NOL4: variants seen among roughly 807,000 people sequenced by gnomAD.
The protein encoded by NOL4 is cancer/testis antigen 125.
A neutral mutation model predicts 75.9 loss-of-function variants in NOL4; 17 were observed. That is an observed-to-expected ratio of 0.22 (90% CI 0.15 to 0.34). The LOEUF (loss-of-function observed/expected upper bound fraction) is 0.34. Ranked by LOEUF, NOL4 falls within the 10% of genes least tolerant of loss-of-function variation. The pLI is 1.00. For synonymous variants in NOL4, 292 were observed against 289.9 expected, an observed-to-expected ratio of 1.01 and a Z score of -0.07; for missense variants, 614 against 793.5, an observed-to-expected ratio of 0.77 and a Z score of 2.72.
intron 6 of NOL4, among the ~76,000 whole-genome samples, chr18:33,966,554 C>T (rs1165217070): frequency 6.6e-6 from 1 of 152,108 alleles, no homozygotes; most frequent in Non-Finnish European, 1.5e-5. Context: ...CTTAAAGTCT[C>T]CAGCAAAGGG....
At chr18:33,863,595 C>G (rs2063285541) in intron 10 of NOL4, among the ~76,000 whole-genome samples, 1 of 149,362 alleles carries the variant, frequency 6.7e-6, no homozygotes, top group Non-Finnish European at 1.5e-5. Flanking sequence ...TTCTTTGACT[C>G]ATGTCTCACA....
chr18:33,874,210 T>C (rs1380337335), intron 10 of NOL4, among the ~76,000 whole-genome samples: 2 of 151,748 alleles, frequency 1.3e-5, no homozygotes, highest in African/African-American at 4.8e-5. Flanking sequence ...GGGAAAAGTG[T>C]GGGATGTTGA....
Position 34,073,198 on chromosome 18 carries a change from G to A in NOL4, c.772+20267C>T, listed in dbSNP as rs528364775. Reference sequence around the variant, plus strand: ...TAACCAATCAGGAAAATAATAAAAAGAAAAATACATCAATTACCAATATCA... The same window carrying A: ...TAACCAATCAGGAAAATAATAAAAAAAAAAATACATCAATTACCAATATCA... On this transcript the variant is annotated intron_variant, in intron 5 of 10. Coordinates refer to ENST00000261592, the MANE Select transcript of NOL4 (RefSeq NM_003787.5). 2.0e-5 allele frequency among the ~76,000 whole-genome samples: 3 copies of A among 151,936 alleles called. No homozygotes were observed. The South Asian group carries it at 6.2e-4, about 32-fold the overall frequency.
At chr18:34,104,795 T>A (rs1399251119) in intron 3 of NOL4, among the ~76,000 whole-genome samples, 1 of 151,780 alleles carries the variant, frequency 6.6e-6, no homozygotes, top group Non-Finnish European at 1.5e-5. Context: ...GAAATACATA[T>A]AATAAATGAA....
intron 2 of NOL4, among the ~76,000 whole-genome samples, chr18:34,118,215 G>C (rs2079953823): frequency 6.6e-6 from 1 of 152,152 alleles, no homozygotes; most frequent in South Asian, 2.1e-4. Context: ...GGACACCATA[G>C]TTTTTGGCAA....
chr18:34,193,616 A>T (rs534928130), intron 1 of NOL4, among the ~76,000 whole-genome samples: 1 of 152,262 alleles, frequency 6.6e-6, no homozygotes, highest in Admixed American at 6.5e-5. Context: ...AGGAAAAAAA[A>T]ACCTTTGCAC....
rs2062653177 is a variant in NOL4, at chr18:33,852,130, C to T, written c.*712G>A. The stretch of plus-strand genomic sequence containing the variant: ...CATGAGAGCAGAAATGCAGGCTTCT[C>T]TTGGAAGTAGTTCCTGATGTGACGA... On this transcript the variant is annotated 3_prime_UTR_variant, in exon 11 of 11. Transcript: ENST00000261592. 1 of 152,436 alleles carries T rather than the reference C, an allele frequency of 6.6e-6. No individual in the cohort carries two copies. The highest frequency in any genetic ancestry group is 6.6e-5 in the Admixed American group (1 of 15,246). The allele number at this position is 152,436 out of a possible 1,614,324, so 9.4% of individuals were successfully genotyped here.
chr18:34,208,340 A>G (rs1009445836), intron 1 of NOL4, among the ~76,000 whole-genome samples: 4 of 152,052 alleles, frequency 2.6e-5, no homozygotes, highest in African/African-American at 2.4e-5. Context: ...ACAAAGACTC[A>G]TGAGCCCTAC....
chr18:34,180,842 GAATAA>G (rs1182782429), intron 1 of NOL4, among the ~76,000 whole-genome samples: 2 of 151,062 alleles, frequency 1.3e-5, no homozygotes, highest in African/African-American at 4.8e-5. Context: ...CCATTAAAAA[GAATAA>G]AATAGGCAAA....
chr18:34,036,006 C>A (rs1368620600), intron 5 of NOL4, among the ~76,000 whole-genome samples: 2 of 151,894 alleles, frequency 1.3e-5, no homozygotes, highest in Non-Finnish European at 2.9e-5. Context: ...AAAGCAAAGA[C>A]CAGGACCAGA....
At chr18:34,081,251 T>A (rs1244029957) in intron 5 of NOL4, among the ~76,000 whole-genome samples, 1 of 152,212 alleles carries the variant, frequency 6.6e-6, no homozygotes, top group Non-Finnish European at 1.5e-5. Context: ...CTTCAATTAA[T>A]AATATTAAAA....
intron 2 of NOL4, among the ~76,000 whole-genome samples, chr18:34,106,088 T>C (rs1364828436): frequency 6.6e-6 from 1 of 152,002 alleles, no homozygotes; most frequent in African/African-American, 2.4e-5. Flanking sequence ...AGATAAGCAA[T>C]AGGAATAAAT....
intron 6 of NOL4, among the ~76,000 whole-genome samples, chr18:34,016,454 C>G (rs1197485394): frequency 6.6e-6 from 1 of 152,038 alleles, no homozygotes; most frequent in Non-Finnish European, 1.5e-5. Context: ...TTAAAATGAC[C>G]TACATTTACT....
chr18:34,036,358 A>C (rs1394974945), intron 5 of NOL4, among the ~76,000 whole-genome samples: 1 of 46,260 alleles, frequency 2.2e-5, no homozygotes, highest in Non-Finnish European at 4.9e-5. Context: ...ATATCAATAA[A>C]ATGAAGGGAA....
intron 9 of NOL4, among the ~76,000 whole-genome samples, chr18:33,899,462 C>T (rs2065617507): frequency 1.3e-5 from 2 of 152,104 alleles, no homozygotes; most frequent in Non-Finnish European, 2.9e-5. Flanking sequence ...AGTTTGGACT[C>T]ACAATTTGGG....
At chr18:33,863,040 G>C in intron 10 of NOL4, among the ~76,000 whole-genome samples, 1 of 152,180 alleles carries the variant, frequency 6.6e-6, no homozygotes, top group East Asian at 1.9e-4. Flanking sequence ...AACCATGATA[G>C]ACTGGATTAA....
intron 9 of NOL4, among the ~76,000 whole-genome samples, chr18:33,893,603 A>G (rs1210635119): frequency 6.6e-6 from 1 of 152,200 alleles, no homozygotes; most frequent in Non-Finnish European, 1.5e-5. Context: ...TCCACTGTTT[A>G]GACTTTATAT....
chr18:34,128,264 A>G (rs545139663), intron 2 of NOL4, among the ~76,000 whole-genome samples: 1 of 151,990 alleles, frequency 6.6e-6, no homozygotes, highest in Admixed American at 6.6e-5. Context: ...CTGCCACACT[A>G]CTATTGACAA....
chr18:34,186,205 C>G (rs2034448579), intron 1 of NOL4, among the ~76,000 whole-genome samples: 1 of 152,150 alleles, frequency 6.6e-6, no homozygotes, highest in Non-Finnish European at 1.5e-5. Flanking sequence ...TCTCCATAAT[C>G]TATTCTGCTC....
Sources: allele counts gnomAD v4.1 joint callset (sites outside exome capture counted in the v4.1 genomes callset), GRCh38; gene constraint gnomAD v4.1.1; transcripts MANE v1.5; gene names NCBI Gene and HGNC (gene_info 2026-07-23, HGNC 2026-07-21).